The following AUTS2 variants were observed in gnomAD, a reference collection of about 807,000 sequenced individuals.
The protein encoded by AUTS2 is autism susceptibility gene 2 protein.
AUTS2 carries 17 observed loss-of-function variants against 112.4 expected under a neutral mutation model. That is an observed-to-expected ratio of 0.15 (90% CI 0.10 to 0.23). The LOEUF is 0.23. AUTS2 is among the 10% of genes least tolerant of loss of function. AUTS2 has a pLI of 1.00. For synonymous variants in AUTS2, 751 were observed against 702.7 expected (o/e 1.07, Z -1.09); for missense variants, 1,510 against 1,701.6 (o/e 0.89, Z 1.98).
chr7:70,640,207 A>G lies in AUTS2; in HGVS notation c.691-58362A>G, dbSNP rs541621890. Among the ~76,000 whole-genome samples the G allele has an allele frequency of 1.2e-4, 18 of 152,196 alleles. No homozygotes were observed. The East Asian group carries it at 2.7e-3, about 23-fold the overall frequency. On this transcript the variant is annotated intron_variant, in intron 5 of 18. Coordinates refer to ENST00000342771, the MANE Select transcript of AUTS2 (RefSeq NM_015570.4). ...CGGATGTGCATGTCTCATGACATTCATCTCTTTCGAAAATATACTTTAGAA... is the reference window on the plus strand; with the variant it reads ...CGGATGTGCATGTCTCATGACATTCGTCTCTTTCGAAAATATACTTTAGAA...
intron 5 of AUTS2, among the ~76,000 whole-genome samples, chr7:70,595,438 G>A (rs1011061714): frequency 6.6e-6 from 1 of 151,952 alleles, no homozygotes; most frequent in Non-Finnish European, 1.5e-5. Flanking sequence ...TGGAGATAAT[G>A]CTCTCTGATT....
At chr7:70,427,029 T>C (rs1795466602) in intron 4 of AUTS2, among the ~76,000 whole-genome samples, 2 of 151,412 alleles carry the variant, frequency 1.3e-5, no homozygotes, top group African/African-American at 4.9e-5. Flanking sequence ...CAAGAAACTA[T>C]ATATGGGAAG....
At chr7:70,789,023 C>T (rs558039242) in intron 18 of AUTS2, among the ~76,000 whole-genome samples, 2 of 152,328 alleles carry the variant, frequency 1.3e-5, no homozygotes, top group Admixed American at 1.3e-4. Context: ...TTTTCAATGT[C>T]CCCATGAGGT....
At chr7:70,424,704 A>G (rs978096107) in intron 4 of AUTS2, among the ~76,000 whole-genome samples, 2 of 152,094 alleles carry the variant, frequency 1.3e-5, no homozygotes, top group African/African-American at 4.8e-5. Flanking sequence ...CTCTCACATC[A>G]GCCTCCCAGG....
intron 4 of AUTS2, among the ~76,000 whole-genome samples, chr7:70,325,141 C>A (rs1790427944): frequency 6.6e-6 from 1 of 152,058 alleles, no homozygotes. Context: ...GTTTCTTGTC[C>A]TCACAGCTAG....
intron 1 of AUTS2, among the ~76,000 whole-genome samples, chr7:69,673,711 G>A (rs966154780): frequency 2.0e-5 from 3 of 152,144 alleles, no homozygotes; most frequent in Admixed American, 6.5e-5. Flanking sequence ...ATAATTATGG[G>A]GTAACTTTGC....
intron 4 of AUTS2, among the ~76,000 whole-genome samples, chr7:70,192,663 ACT>A (rs987172501): frequency 7.9e-5 from 12 of 152,116 alleles, no homozygotes; most frequent in Admixed American, 3.3e-4. Flanking sequence ...GCCTGTGTAA[ACT>A]CTCACTTTCT....
chr7:69,930,115 A>G (rs1796171075), intron 2 of AUTS2, among the ~76,000 whole-genome samples: 1 of 152,190 alleles, frequency 6.6e-6, no homozygotes, highest in Non-Finnish European at 1.5e-5. Flanking sequence ...CAATCTAATC[A>G]TCTGTGAAGT....
Position 69,599,637 on chromosome 7 carries a change from C to T in AUTS2, c.-17C>T, listed in dbSNP as rs1792258039. ...GCCTGTGGCGGGCAAGCGGGGAGAC[C>T]CCGGCGCAGCAGAACCATGGATGGC... On this transcript the variant is annotated 5_prime_UTR_variant, in exon 1 of 19. Coordinates refer to ENST00000342771, the MANE Select transcript of AUTS2 (RefSeq NM_015570.4). This position sits in a 1 kb window ranked among gnomAD's most constrained non-coding sequence, Gnocchi z 7.0. 2 of 1,281,008 alleles carry T rather than the reference C, an allele frequency of 1.6e-6. No individual in the cohort carries two copies. Among genetic ancestry groups the T allele is most frequent in the Non-Finnish European group, 2.0e-6 (2 of 1,016,174 alleles). The allele number at this position is 1,281,008 out of a possible 1,614,324, so 79.4% of individuals were successfully genotyped here.
chr7:70,431,469 TCCGTCTCC>T (rs1365556622), intron 4 of AUTS2, among the ~76,000 whole-genome samples: 1 of 152,114 alleles, frequency 6.6e-6, no homozygotes, highest in Non-Finnish European at 1.5e-5. Context: ...CACTACAACC[TCCGTCTCC>T]CTGGCTCAAG....
chr7:70,271,927 C>G (rs1787712135), intron 4 of AUTS2, among the ~76,000 whole-genome samples: 1 of 152,124 alleles, frequency 6.6e-6, no homozygotes, highest in Admixed American at 6.6e-5. Flanking sequence ...TGTTCACGGG[C>G]AGGGAGGGAT....
intron 2 of AUTS2, among the ~76,000 whole-genome samples, chr7:69,970,639 A>G (rs777663907): frequency 2.7e-4 from 41 of 152,256 alleles, no homozygotes; most frequent in South Asian, 1.7e-3. Context: ...TGCTAGAGGT[A>G]TCTTAAAAGG....
chr7:70,380,262 G>A (rs2129632389), intron 4 of AUTS2, among the ~76,000 whole-genome samples: 1 of 152,250 alleles, frequency 6.6e-6, no homozygotes, highest in South Asian at 2.1e-4. Flanking sequence ...CAAAGTTAGT[G>A]CAAATACTGG....
chr7:69,894,022 T>G (rs1008656231), intron 1 of AUTS2, among the ~76,000 whole-genome samples: 2 of 152,182 alleles, frequency 1.3e-5, no homozygotes, highest in Non-Finnish European at 2.9e-5. Context: ...TCCATATATG[T>G]GCTACTGTGA....
intron 4 of AUTS2, chr7:70,316,969 G>A: frequency 6.6e-6 from 1 of 152,140 alleles, no homozygotes; most frequent in Admixed American, 6.5e-5. Context: ...AAACATTGAT[G>A]TTTCTGCATC....
intron 1 of AUTS2, among the ~76,000 whole-genome samples, chr7:69,782,089 G>A (rs1789167921): frequency 6.6e-6 from 1 of 152,138 alleles, no homozygotes; most frequent in Non-Finnish European, 1.5e-5. Context: ...AATCTTCTTC[G>A]CGGCCCGGCT....
At chr7:70,638,166 C>G (rs1805622487) in intron 5 of AUTS2, among the ~76,000 whole-genome samples, 1 of 151,988 alleles carries the variant, frequency 6.6e-6, no homozygotes, top group African/African-American at 2.4e-5. Context: ...CTCCCCAAAC[C>G]CAAAGTAGCA....
At chr7:70,388,855 A>G (rs968037339) in intron 4 of AUTS2, among the ~76,000 whole-genome samples, 1 of 152,182 alleles carries the variant, frequency 6.6e-6, no homozygotes, top group East Asian at 1.9e-4. Flanking sequence ...AAGAAAATTA[A>G]ATCTTTTTTT....
intron 4 of AUTS2, among the ~76,000 whole-genome samples, chr7:70,423,375 G>A (rs1330560723): frequency 3.9e-5 from 6 of 152,148 alleles, no homozygotes; most frequent in Admixed American, 1.3e-4. Flanking sequence ...GGTCAGAATC[G>A]CTAGACAAAG....
Sources: allele counts gnomAD v4.1 joint callset (sites outside exome capture counted in the v4.1 genomes callset), GRCh38; gene constraint gnomAD v4.1.1; non-coding constraint Gnocchi (gnomAD v3.1); transcripts MANE v1.5; gene names NCBI Gene and HGNC (gene_info 2026-07-23, HGNC 2026-07-21).